The following NRCAM variants were observed in gnomAD, a reference collection of about 807,000 sequenced individuals.
NRCAM encodes the protein neuronal cell adhesion molecule.
Under a neutral mutation model 156.5 loss-of-function variants are expected in NRCAM, and 83 were observed. That is an observed-to-expected ratio of 0.53 (90% CI 0.44 to 0.64). The LOEUF is 0.64. NRCAM is among the 30% of genes least tolerant of loss of function. The pLI is 0.00. For missense variants in NRCAM, 1,417 were observed against 1,597.3 expected (o/e 0.89, Z 1.92); for synonymous variants, 538 against 563.9 (o/e 0.95, Z 0.65).
At chr7:108,237,608 T>A (rs2095187648) in intron 5 of NRCAM, 144 bp downstream of exon 5, 3 of 495,142 alleles carry the variant, frequency 6.1e-6, no homozygotes, top group Admixed American at 8.4e-5. Context: ...TGAAATACAA[T>A]GTTTAGCTAC....
At chr7:108,325,941 G>A (rs950892873) in intron 2 of NRCAM, among the ~76,000 whole-genome samples, 8 of 151,606 alleles carry the variant, frequency 5.3e-5, no homozygotes, top group African/African-American at 1.9e-4. Context: ...ATTTACCTTG[G>A]GGAAAGGAAT....
chr7:108,376,397 T>C (rs926758986), intron 2 of NRCAM, among the ~76,000 whole-genome samples: 1 of 152,160 alleles, frequency 6.6e-6, no homozygotes, highest in Non-Finnish European at 1.5e-5. Context: ...CATAGTCATC[T>C]TGTAAGTTCT....
chr7:108,363,741 T>C (rs900242622), intron 2 of NRCAM, among the ~76,000 whole-genome samples: 2 of 152,234 alleles, frequency 1.3e-5, no homozygotes, highest in African/African-American at 4.8e-5. Context: ...GTGATGAAAA[T>C]AGCACTCTAC....
chr7:108,190,929 T>C (rs1360728927), intron 19 of NRCAM, among the ~76,000 whole-genome samples: 1 of 152,186 alleles, frequency 6.6e-6, no homozygotes, highest in Non-Finnish European at 1.5e-5. Context: ...TTTCATTCTG[T>C]AAAATGTGGA....
Position 108,182,746 on chromosome 7 carries a change from T to G in NRCAM, c.2479A>C (p.Met827Leu), listed in dbSNP as rs1177882434. The change falls in exon 23 of 33, where the codon ATG becomes CTG. Residue 827 changes from methionine (M) to leucine (L), a missense_variant. By Grantham distance (15) the Met-to-Leu change is conservative. This residue lies in a region of NRCAM where 1,238 missense variants were observed against 1,336.4 expected (regional missense o/e 0.93). Coordinates refer to ENST00000379028, the MANE Select transcript of NRCAM (RefSeq NM_001037132.4). ...YLIKVQALNDMGFAPEPAVVM... is the reference protein window; with the variant it reads ...YLIKVQALNDLGFAPEPAVVM... Reference sequence around the variant, plus strand: ...ACAGCTGGCTCGGGGGCAAACCCCATGTCATTCAGGGCCTGAACTTTGATC... The same window carrying G: ...ACAGCTGGCTCGGGGGCAAACCCCAGGTCATTCAGGGCCTGAACTTTGATC... 1 of 1,614,142 alleles carries G rather than the reference T, an allele frequency of 6.2e-7. No individual in the cohort carries two copies. Among genetic ancestry groups the G allele is most frequent in the African/African-American group, 1.3e-5 (1 of 74,946 alleles).
At chr7:108,248,016 A>G (rs1432789881) in intron 3 of NRCAM, among the ~76,000 whole-genome samples, 1 of 152,244 alleles carries the variant, frequency 6.6e-6, no homozygotes, top group Non-Finnish European at 1.5e-5. Flanking sequence ...TGAAAATTTA[A>G]TTCTGAATAT....
chr7:108,149,705 A>C lies in NRCAM; in HGVS notation c.*205T>G, dbSNP rs2040188364. The C allele has an allele frequency of 5.3e-6, 3 of 563,752 alleles. No individual in the cohort carries two copies. The Admixed American group carries it at 1.0e-4, about 20-fold the overall frequency. The allele number at this position is 563,752 out of a possible 1,614,324, so 34.9% of individuals were successfully genotyped here. A position where few individuals can be genotyped will look rare whatever the true frequency, so the allele number is the denominator to read the frequency against. On this transcript the variant is annotated 3_prime_UTR_variant, in exon 33 of 33. Transcript: ENST00000379028. ...GAGGAAATCAAGAATACCCATTTTG[A>C]ATGAAAAAGTATGCACTTTGCATTC...
At chr7:108,317,368 C>A (rs2098939825) in intron 2 of NRCAM, among the ~76,000 whole-genome samples, 3 of 152,046 alleles carry the variant, frequency 2.0e-5, no homozygotes, top group Non-Finnish European at 4.4e-5. Context: ...GTATTCAGAG[C>A]AGTAGAGCAA....
chr7:108,317,381 T>C (rs1024964921), intron 2 of NRCAM, among the ~76,000 whole-genome samples: 7 of 152,182 alleles, frequency 4.6e-5, no homozygotes, highest in South Asian at 2.1e-4. Flanking sequence ...TAGAGCAAAA[T>C]TGATTAGAGG....
intron 28 of NRCAM, among the ~76,000 whole-genome samples, chr7:108,173,951 C>G (rs1003502169): frequency 6.6e-6 from 1 of 152,184 alleles, no homozygotes; most frequent in African/African-American, 2.4e-5. Flanking sequence ...ACAGACAGTC[C>G]TGCTGAAGCA....
chr7:108,375,895 TGAAA>T (rs2099673463), intron 2 of NRCAM, among the ~76,000 whole-genome samples: 1 of 152,114 alleles, frequency 6.6e-6, no homozygotes, highest in African/African-American at 2.4e-5. Flanking sequence ...GAAACATACC[TGAAA>T]GAATCTAAGT....
intron 2 of NRCAM, among the ~76,000 whole-genome samples, chr7:108,343,313 A>G (rs965544377): frequency 6.6e-6 from 1 of 152,218 alleles, no homozygotes; most frequent in African/African-American, 2.4e-5. Context: ...ATATGGAGAG[A>G]AAGGGGATTC....
intron 11 of NRCAM, among the ~76,000 whole-genome samples, chr7:108,215,315 C>T (rs1054179792): frequency 2.0e-5 from 3 of 151,142 alleles, no homozygotes; most frequent in African/African-American, 7.3e-5. Flanking sequence ...TGGGTTCACG[C>T]CATTCTCCTG....
intron 3 of NRCAM, among the ~76,000 whole-genome samples, chr7:108,299,114 A>AAGAAAGAAAGAAAGAAAGAAAGAAAG (rs1554479872): frequency 3.9e-5 from 1 of 25,528 alleles, no homozygotes; most frequent in South Asian, 3.1e-3. Context: ...TCAAAAAAAA[A>AAGAAAGAAAGAAAGAAAGAAAGAAAG]AAAGAAAGAA....
chr7:108,252,252 A>C (rs2096392730), intron 3 of NRCAM, among the ~76,000 whole-genome samples: 3 of 152,342 alleles, frequency 2.0e-5, no homozygotes, highest in Middle Eastern at 3.4e-3. Context: ...CTGAGGATTA[A>C]GCAGGCAAAG....
At chr7:108,204,894 T>C (rs901446551) in intron 13 of NRCAM, among the ~76,000 whole-genome samples, 1 of 152,346 alleles carries the variant, frequency 6.6e-6, no homozygotes, top group African/African-American at 2.4e-5. Context: ...TTTCTGCTAT[T>C]ACTACTCTGT....
At chr7:108,241,823 T>C (rs1260757375) in intron 3 of NRCAM, among the ~76,000 whole-genome samples, 1 of 152,206 alleles carries the variant, frequency 6.6e-6, no homozygotes, top group African/African-American at 2.4e-5. Context: ...CTCTTGTTAA[T>C]ATGATCAAAT....
At chr7:108,181,789 A>C in intron 24 of NRCAM, 33 bp downstream of exon 24, 1 of 1,486,356 alleles carries the variant, frequency 6.7e-7, no homozygotes, top group East Asian at 2.3e-5. Flanking sequence ...AGCCCTTACT[A>C]AATAAAGCCA....
intron 3 of NRCAM, among the ~76,000 whole-genome samples, chr7:108,278,926 C>T (rs891063320): frequency 2.0e-5 from 3 of 150,380 alleles, no homozygotes; most frequent in Non-Finnish European, 3.0e-5. Flanking sequence ...AATTCTAAAA[C>T]TCCTCTTAAG....
Sources: allele counts gnomAD v4.1 joint callset (sites outside exome capture counted in the v4.1 genomes callset), GRCh38; gene constraint gnomAD v4.1.1; regional missense constraint gnomAD v4.1.1; transcripts MANE v1.5; gene names NCBI Gene and HGNC (gene_info 2026-07-23, HGNC 2026-07-21).